Variants in SPRR2G observed in about 807,000 individuals in gnomAD.
SPRR2G encodes small proline-rich protein 2G.
In SPRR2G, 1 loss-of-function variant was observed where a neutral mutation model predicts 0.7. That is an observed-to-expected ratio of 1.49 (90% CI 0.53 to 7.06). SPRR2G has a LOEUF of 7.06. SPRR2G is among the 30% of genes most tolerant of loss of function. The probability of loss-of-function intolerance (pLI) is 0.14; values close to 1 mark genes in which losing one functional copy is unlikely to be tolerated. For missense variants in SPRR2G, 96 were observed against 88.5 expected (o/e 1.09, Z -0.34); for synonymous variants, 38 against 33.9 (o/e 1.12, Z -0.42).
the SPRR2G span, among the ~76,000 whole-genome samples, chr1:153,192,315 AT>A: frequency 2.6e-5 from 4 of 152,152 alleles, no homozygotes; most frequent in African/African-American, 9.7e-5. Flanking sequence ...TTGGGAGCTA[AT>A]CATATTCAGT....
the SPRR2G span, among the ~76,000 whole-genome samples, chr1:153,192,868 T>C: frequency 6.6e-6 from 1 of 152,212 alleles, no homozygotes; most frequent in Non-Finnish European, 1.5e-5. Context: ...TCATCCACTG[T>C]CCGGCCCCAA....
chr1:153,192,311 G>T, the SPRR2G span, among the ~76,000 whole-genome samples: 1 of 152,166 alleles, frequency 6.6e-6, no homozygotes, highest in South Asian at 2.1e-4. Context: ...TTCCTTGGGA[G>T]CTAATCATAT....
chr1:153,152,750 T>G (rs1656498958), upstream of SPRR2G, among the ~76,000 whole-genome samples: 1 of 152,212 alleles, frequency 6.6e-6, no homozygotes, highest in African/African-American at 2.4e-5. Context: ...CCATAGCTGA[T>G]GCATGCTGAA....
the SPRR2G span, among the ~76,000 whole-genome samples, chr1:153,198,314 C>G: frequency 3.3e-5 from 5 of 152,174 alleles, no homozygotes; most frequent in African/African-American, 9.7e-5. Context: ...AACCAAGAGC[C>G]TTGGGCCTCA....
At chr1:153,164,097 C>T in the SPRR2G span, among the ~76,000 whole-genome samples, 6 of 152,158 alleles carry the variant, frequency 3.9e-5, no homozygotes, top group Non-Finnish European at 7.3e-5. Context: ...GAAATATTTT[C>T]GTTCTCAACT....
At chr1:153,169,298 G>C in the SPRR2G span, among the ~76,000 whole-genome samples, 1 of 152,102 alleles carries the variant, frequency 6.6e-6, no homozygotes, top group Non-Finnish European at 1.5e-5. Flanking sequence ...GGTCGCGGTG[G>C]CTCATGCCAG....
the SPRR2G span, among the ~76,000 whole-genome samples, chr1:153,188,260 GGGCTGGC>G: frequency 6.6e-6 from 1 of 152,202 alleles, no homozygotes; most frequent in African/African-American, 2.4e-5. Flanking sequence ...GCTGTCTTCA[GGGCTGGC>G]AGGCAGGAAA....
chr1:153,190,516 C>G, the SPRR2G span: 1 of 152,328 alleles, frequency 6.6e-6, no homozygotes, highest in Non-Finnish European at 1.5e-5. Flanking sequence ...GTTTTCAAAC[C>G]TTCCACCTGT....
At chr1:153,178,186 G>C in the SPRR2G span, among the ~76,000 whole-genome samples, 4 of 152,048 alleles carry the variant, frequency 2.6e-5, no homozygotes, top group African/African-American at 7.2e-5. Flanking sequence ...GTATTCTGTG[G>C]CCTTGATAAA....
At chr1:153,170,163 A>T in the SPRR2G span, among the ~76,000 whole-genome samples, 1 of 152,230 alleles carries the variant, frequency 6.6e-6, no homozygotes, top group African/African-American at 2.4e-5. Context: ...TTGGAATTGT[A>T]TTAGTCAGTG....
At chr1:153,164,424 T>G in the SPRR2G span, among the ~76,000 whole-genome samples, 3,358 of 152,192 alleles carry the variant, frequency 0.022, 111 homozygotes, top group East Asian at 0.11. Flanking sequence ...TGATGGGTGG[T>G]CAGAAGCTCA....
the SPRR2G span, among the ~76,000 whole-genome samples, chr1:153,196,539 G>C: frequency 1.3e-5 from 2 of 152,188 alleles, no homozygotes; most frequent in African/African-American, 4.8e-5. Flanking sequence ...TACTGTTCCA[G>C]CCCATGCTGC....
chr1:153,157,973 C>T, the SPRR2G span, among the ~76,000 whole-genome samples: 4 of 152,178 alleles, frequency 2.6e-5, no homozygotes, highest in East Asian at 5.8e-4. Context: ...TCTCATGAGA[C>T]GGCCCCATGA....
chr1:153,169,217 T>TC, the SPRR2G span, among the ~76,000 whole-genome samples: 5 of 152,050 alleles, frequency 3.3e-5, no homozygotes, highest in Non-Finnish European at 5.9e-5. Context: ...TTGTGACTAC[T>TC]CCTCCCTTTT....
the SPRR2G span, among the ~76,000 whole-genome samples, chr1:153,172,543 T>C: frequency 6.6e-6 from 1 of 152,018 alleles, no homozygotes; most frequent in Non-Finnish European, 1.5e-5. Context: ...CTGTGTCCTC[T>C]TTCTCCCAGG....
At chr1:153,152,519 C>T (rs992040283), upstream of SPRR2G, among the ~76,000 whole-genome samples, 6 of 152,146 alleles carry the variant, frequency 3.9e-5, no homozygotes, top group South Asian at 2.1e-4. Flanking sequence ...GAGGTAGGAA[C>T]GTCTTTGAGT....
At chr1:153,154,352 G>A (rs970866897), upstream of SPRR2G, among the ~76,000 whole-genome samples, 1 of 151,842 alleles carries the variant, frequency 6.6e-6, no homozygotes, top group Non-Finnish European at 1.5e-5. Context: ...TGGTATCAGG[G>A]TAATGCCATC....
chr1:153,153,330 G>T (rs16834987), upstream of SPRR2G, among the ~76,000 whole-genome samples: 4,703 of 152,136 alleles, frequency 0.031, 242 homozygotes, highest in African/African-American at 0.11. Context: ...TAGCAAACTG[G>T]CACTGTATAA....
chr1:153,164,315 A>G, the SPRR2G span, among the ~76,000 whole-genome samples: 1 of 152,316 alleles, frequency 6.6e-6, no homozygotes, highest in Non-Finnish European at 1.5e-5. Flanking sequence ...CCAGGAAGAG[A>G]GGTACAAGAA....
Sources: allele counts gnomAD v4.1 joint callset (sites outside exome capture counted in the v4.1 genomes callset), GRCh38; gene constraint gnomAD v4.1.1; transcripts MANE v1.5; gene names NCBI Gene and HGNC (gene_info 2026-07-23, HGNC 2026-07-21).